The following EXD3 variants were observed in gnomAD, a reference collection of about 807,000 sequenced individuals.
The protein encoded by EXD3 is exonuclease 3'-5' domain containing 3.
Under a neutral mutation model 98.0 loss-of-function variants are expected in EXD3, and 92 were observed. The ratio of observed to expected loss-of-function variants is 0.94; its 90% CI spans 0.79 to 1.12. The LOEUF (loss-of-function observed/expected upper bound fraction) is 1.12, where lower values mean the gene tolerates loss of function less well. Among genes scored for constraint, EXD3 ranks in the 50% most tolerant of loss-of-function variants. The pLI is 0.00. For missense variants in EXD3, 1,222 were observed against 1,191.6 expected (o/e 1.03, Z -0.38); for synonymous variants, 569 against 526.0 (o/e 1.08, Z -1.12).
chr9:137,327,649 GT>G (rs1832508837), intron 17 of EXD3, among the ~76,000 whole-genome samples: 3 of 133,616 alleles, frequency 2.2e-5, no homozygotes, highest in Admixed American at 7.4e-5. Context: ...CATATGATGA[GT>G]AAAAACAACC....
intron 1 of EXD3, among the ~76,000 whole-genome samples, chr9:137,411,278 C>G (rs1837984240): frequency 2.0e-5 from 3 of 152,188 alleles, no homozygotes; most frequent in Admixed American, 2.0e-4. Flanking sequence ...CCAGGATGCC[C>G]CCTTCCCAGA....
rs1386647965 is a variant in EXD3, at chr9:137,360,969, C to T, written c.657-4601G>A. The stretch of plus-strand genomic sequence containing the variant: ...AAAATGACAGTTGTTTCTTTGTACC[C>T]GGTCTTTGCACTTATTTTCCTGCCT... On this transcript the variant is annotated intron_variant, in intron 7 of 21. Coordinates refer to ENST00000340951, the MANE Select transcript of EXD3 (RefSeq NM_017820.5). Among the ~76,000 whole-genome samples the T allele has an allele frequency of 4.6e-5, 4 of 86,460 alleles. 1 individual carries two copies. The highest frequency in any genetic ancestry group is 1.3e-4 in the African/African-American group (4 of 31,178). The allele number at this position is 86,460 out of a possible 152,430, so 56.7% of individuals were successfully genotyped here. A position where few individuals can be genotyped will look rare whatever the true frequency, so the allele number is the denominator to read the frequency against.
At chr9:137,388,068 G>GA (rs1210283387) in intron 2 of EXD3, among the ~76,000 whole-genome samples, 3 of 152,180 alleles carry the variant, frequency 2.0e-5, no homozygotes, top group African/African-American at 7.2e-5. Context: ...AGGACACCTA[G>GA]AAAAAACTCA....
At chr9:137,386,955 C>T (rs1836625953) in intron 2 of EXD3, among the ~76,000 whole-genome samples, 1 of 142,326 alleles carries the variant, frequency 7.0e-6, no homozygotes. Context: ...CCCTGCCTGC[C>T]TCCCTCAGCA....
intron 12 of EXD3, 96 bp downstream of exon 12, chr9:137,351,970 C>A: frequency 2.7e-6 from 4 of 1,458,974 alleles, no homozygotes; most frequent in Non-Finnish European, 3.7e-6. Context: ...GCCCAGAGGC[C>A]TTGCCTCTCT....
At chr9:137,366,141 C>G (rs749510246) in intron 7 of EXD3, 1 of 699,730 alleles carries the variant, frequency 1.4e-6, no homozygotes, top group Non-Finnish European at 2.6e-6. Context: ...CGTCACACAC[C>G]AAGTGCTTCC....
At chr9:137,353,805 C>G in intron 10 of EXD3, 1 of 986,268 alleles carries the variant, frequency 1.0e-6, no homozygotes, top group African/African-American at 1.7e-5. Context: ...TGCACGACCT[C>G]CCACCCCACG....
At chr9:137,369,881 T>C (rs1217480271) in intron 5 of EXD3, among the ~76,000 whole-genome samples, 2 of 152,226 alleles carry the variant, frequency 1.3e-5, no homozygotes, top group East Asian at 3.8e-4. Flanking sequence ...TGGACCTTTC[T>C]TTCTAGGCCC....
chr9:137,400,091 G>A (rs539884328), intron 1 of EXD3, among the ~76,000 whole-genome samples: 33 of 150,830 alleles, frequency 2.2e-4, no homozygotes, highest in African/African-American at 5.6e-4. Flanking sequence ...TGATAAACCC[G>A]TCAGATCTCA....
Position 137,306,962 on chromosome 9 carries a change from G to T in EXD3, c.2619C>A (p.Ser873Arg). The T allele has an allele frequency of 1.3e-6, 2 of 1,580,252 alleles. No homozygotes were observed. The highest frequency in any genetic ancestry group is 1.7e-6 in the Non-Finnish European group (2 of 1,161,596). The change falls in exon 22 of 22, where the codon AGC (serine) becomes AGA (arginine). Residue 873 changes from serine (S) to arginine (R), a missense_variant. By Grantham distance (110) the Ser-to-Arg change is moderately radical. Coordinates refer to ENST00000340951, the MANE Select transcript of EXD3 (RefSeq NM_017820.5). ...CEPSPAPSPA[S>R]SPF ...TGTCTGGCTGTCCTCAGAAGGGACT[G>T]CTGGCCGGGCTGGGGGCTGGGCTCG...
At chr9:137,394,007 G>C (rs76726272) in intron 2 of EXD3, among the ~76,000 whole-genome samples, 24,547 of 152,138 alleles carry the variant, frequency 0.16, 2,623 homozygotes, top group African/African-American at 0.3. Context: ...CACTGGGGCC[G>C]AGCCCCTGCC....
At chr9:137,392,539 C>G in intron 2 of EXD3, 1 of 215,012 alleles carries the variant, frequency 4.7e-6, no homozygotes, top group Non-Finnish European at 9.5e-6. Context: ...GTAGGGGAGC[C>G]CACTGGGGAG....
At position 137,348,123 on chromosome 9, in the gene EXD3, C is replaced by T. The variant is rs1247931482; in HGVS notation, c.1946G>A (p.Gly649Asp). The change falls in exon 17 of 22, where the codon GGT (glycine) becomes GAT (aspartate). Residue 649 changes from glycine (G) to aspartate (D), a missense_variant. Physicochemically the swap from Gly to Asp is moderately conservative, Grantham distance 94. Coordinates refer to ENST00000340951, the MANE Select transcript of EXD3 (RefSeq NM_017820.5). ...ATTGCCCAGCATGCGTGCATCCACA[C>T]CGAGACAGCGGAGGCTCCGTGCCAG... ...QGLARSLRCL[G>D]VDARMLGNGE... 2 of 1,612,296 alleles carry T rather than the reference C, an allele frequency of 1.2e-6. No individual in the cohort carries two copies. The highest frequency in any genetic ancestry group is 1.3e-5 in the African/African-American group (1 of 75,056).
chr9:137,328,613 TAC>T (rs1832653717), intron 17 of EXD3, among the ~76,000 whole-genome samples: 1 of 80,352 alleles, frequency 1.2e-5, no homozygotes, highest in African/African-American at 7.3e-5. Flanking sequence ...TACACGGGGC[TAC>T]ACGGGACTAC....
chr9:137,364,770 G>GGTTTT (rs530653079), intron 7 of EXD3, among the ~76,000 whole-genome samples: 1 of 132,130 alleles, frequency 7.6e-6, no homozygotes. Flanking sequence ...TTTGTTCTAT[G>GGTTTT]TTTTTTTTTT....
At chr9:137,366,021 CACAT>C in intron 7 of EXD3, 1 of 626,462 alleles carries the variant, frequency 1.6e-6, no homozygotes, top group Non-Finnish European at 3.0e-6. Flanking sequence ...CATGGGCACA[CACAT>C]ACATGCACAC....
rs749269507 is a variant in EXD3 at position 137,348,170 on chromosome 9, C to A, written c.1899G>T (p.Val633=). Residue 633 remains valine (V), a synonymous_variant, in exon 17 of 22, where the codon GTG becomes GTT. Transcript: ENST00000340951. ...CCAGCCCCTGCAGCATGTTGTCACA[C>A]ACCACACGGAAGGCCCTGGCCGGAA... is the stretch of plus-strand genomic sequence containing the variant. ...PQIPARAFRV[V]CDNMLQGLAR... 1 of 1,612,178 alleles carries A rather than the reference C, an allele frequency of 6.2e-7. No individual in the cohort carries two copies. Among genetic ancestry groups the A allele is most frequent in the African/African-American group, 1.3e-5 (1 of 74,962 alleles).
chr9:137,308,572 C>A (rs1236584627), intron 20 of EXD3, among the ~76,000 whole-genome samples: 2 of 151,828 alleles, frequency 1.3e-5, no homozygotes, highest in Non-Finnish European at 2.9e-5. Flanking sequence ...CCGGGGTGTG[C>A]TCTGCTGGCC....
At chr9:137,361,654 G>A (rs904921300) in intron 7 of EXD3, among the ~76,000 whole-genome samples, 4 of 151,128 alleles carry the variant, frequency 2.6e-5, no homozygotes, top group South Asian at 2.1e-4. Flanking sequence ...GGTGAGACAG[G>A]AGAATTACTT....
Sources: allele counts gnomAD v4.1 joint callset (sites outside exome capture counted in the v4.1 genomes callset), GRCh38; gene constraint gnomAD v4.1.1; transcripts MANE v1.5; gene names NCBI Gene and HGNC (gene_info 2026-07-23, HGNC 2026-07-21).